Variants in EYS observed in about 807,000 individuals in gnomAD.
The protein encoded by EYS is protein eyes shut homolog.
In EYS, 250 loss-of-function variants were observed where a neutral mutation model predicts 282.1. That is an observed-to-expected ratio of 0.89 (90% CI 0.80 to 0.98). EYS has a LOEUF of 0.98. Ranked by LOEUF, EYS falls within the 50% of genes least tolerant of loss-of-function variation. The pLI, the probability that EYS is intolerant of heterozygous loss-of-function variation, is 0.00. For missense variants in EYS, 4,016 were observed against 3,709.0 expected, an observed-to-expected ratio of 1.08 and a Z score of -2.15; for synonymous variants, 1,355 against 1,282.9, an observed-to-expected ratio of 1.06 and a Z score of -1.20.
chr6:64,412,541 G>A (rs959023638), intron 28 of EYS: 1 of 152,046 alleles, frequency 6.6e-6, no homozygotes, highest in African/African-American at 2.4e-5. Flanking sequence ...AGATGCTGAG[G>A]ATGTTAATAA....
chr6:65,127,763 T>G (rs1775761736), intron 12 of EYS, among the ~76,000 whole-genome samples: 1 of 152,072 alleles, frequency 6.6e-6, no homozygotes, highest in South Asian at 2.1e-4. Flanking sequence ...TTCATTTTCT[T>G]AGGCATATCA....
intron 35 of EYS, among the ~76,000 whole-genome samples, chr6:63,966,750 TACAAGGATTA>T (rs1766330014): frequency 2.0e-5 from 3 of 152,308 alleles, no homozygotes; most frequent in African/African-American, 7.2e-5. Context: ...ATAGCATTGT[TACAAGGATTA>T]ACTGAGATAA....
At chr6:64,248,899 T>C (rs1767109127) in intron 30 of EYS, among the ~76,000 whole-genome samples, 3 of 151,174 alleles carry the variant, frequency 2.0e-5, no homozygotes, top group Non-Finnish European at 4.4e-5. Flanking sequence ...CTACTAAAAA[T>C]ACAAAAATTA....
intron 12 of EYS, among the ~76,000 whole-genome samples, chr6:65,123,754 C>CCCCA (rs1554157072): frequency 1.2e-5 from 1 of 86,912 alleles, no homozygotes; most frequent in East Asian, 2.5e-4. Flanking sequence ...TAACACCCAC[C>CCCCA]CACCCACACA....
intron 13 of EYS, among the ~76,000 whole-genome samples, chr6:65,026,427 T>G (rs538598593): frequency 6.6e-6 from 1 of 152,014 alleles, no homozygotes; most frequent in South Asian, 2.1e-4. Flanking sequence ...AAGGGACTCA[T>G]GAAAAAAAGA....
intron 35 of EYS, among the ~76,000 whole-genome samples, chr6:63,918,419 A>C (rs949056328): frequency 4.6e-5 from 7 of 152,212 alleles, no homozygotes; most frequent in African/African-American, 1.7e-4. Flanking sequence ...CCATTAGTTC[A>C]ATTCCATAGA....
intron 33 of EYS, among the ~76,000 whole-genome samples, chr6:64,001,312 CTAAG>C (rs1768084437): frequency 6.6e-6 from 1 of 152,204 alleles, no homozygotes; most frequent in African/African-American, 2.4e-5. Context: ...ACAGGGATCT[CTAAG>C]GAGATTTTTG....
intron 31 of EYS, among the ~76,000 whole-genome samples, chr6:64,096,167 C>T (rs1772605120): frequency 6.6e-6 from 1 of 152,206 alleles, no homozygotes; most frequent in South Asian, 2.1e-4. Flanking sequence ...CGACCTTTCT[C>T]TCTGGCTGCC....
At chr6:64,963,822 T>C (rs1426644417) in intron 14 of EYS, among the ~76,000 whole-genome samples, 1 of 152,180 alleles carries the variant, frequency 6.6e-6, no homozygotes, top group Non-Finnish European at 1.5e-5. Flanking sequence ...CACTGAACAA[T>C]TAATAACATA....
intron 2 of EYS, among the ~76,000 whole-genome samples, chr6:65,594,906 T>C (rs1245566788): frequency 6.6e-6 from 1 of 152,246 alleles, no homozygotes; most frequent in East Asian, 1.9e-4. Flanking sequence ...CCCAGCACCA[T>C]TTATTAAATA....
chr6:63,721,913 CTTG>C, intron 42 of EYS, 116 bp from the exon 43 acceptor site: 3 of 895,862 alleles, frequency 3.3e-6, no homozygotes, highest in Non-Finnish European at 5.0e-6. Context: ...AGTAACAGAT[CTTG>C]AGCACAATTG....
rs796919271 is a variant in EYS, at chr6:64,942,835, A to AAC, written c.2381+2957_2381+2958insGT. Among the ~76,000 whole-genome samples the AAC allele has an allele frequency of 5.5e-5, 8 of 146,758 alleles. 1 individual carries two copies. The highest frequency in any genetic ancestry group is 1.7e-4 in the African/African-American group (7 of 41,060). On this transcript the variant is annotated intron_variant, in intron 15 of 42. Coordinates refer to ENST00000503581, the MANE Select transcript of EYS (RefSeq NM_001142800.2). ...TTCTACTGTAACTCTTCCAAAAAAA[A>AAC]AAAAAAAACAAAAATGAAGTCGAAG...
At chr6:64,334,186 T>C (rs940141069) in intron 29 of EYS, among the ~76,000 whole-genome samples, 1 of 152,116 alleles carries the variant, frequency 6.6e-6, no homozygotes, top group African/African-American at 2.4e-5. Context: ...ATTAAATCAA[T>C]CATAGTACCA....
At chr6:63,826,846 A>AAAAAAAAAAAAAAAAAAAAG (rs1771479364) in intron 36 of EYS, among the ~76,000 whole-genome samples, 1 of 2,608 alleles carries the variant, frequency 3.8e-4, no homozygotes, top group African/African-American at 1.4e-3. Context: ...GTTAAAAAGC[A>AAAAAAAAAAAAAAAAAAAAG]AAAAAAAAAA....
rs543334784 is a variant in EYS, at chr6:64,536,814, A to C, written c.5644+53409T>G. Among the ~76,000 whole-genome samples, 12 of 151,100 alleles carry C rather than the reference A, an allele frequency of 7.9e-5. 2 individuals carry two copies. Among genetic ancestry groups the C allele is most frequent in the African/African-American group, 2.7e-4 (11 of 41,418 alleles). On this transcript the variant is annotated intron_variant, in intron 26 of 42. Transcript: ENST00000503581. The stretch of plus-strand genomic sequence containing the variant: ...ACTTATTAACAAAATATATATATAT[A>C]AAATTATATTTATTTCTTTACATAC...
At chr6:65,660,842 A>T (rs1294123981) in intron 1 of EYS, among the ~76,000 whole-genome samples, 1 of 151,832 alleles carries the variant, frequency 6.6e-6, no homozygotes, top group African/African-American at 2.4e-5. Context: ...AAAGCACCTC[A>T]GGACTCATAG....
At position 64,574,782 on chromosome 6, in the gene EYS, G is replaced by T. The variant is rs559163964; in HGVS notation, c.5644+15441C>A. 2.6e-5 allele frequency among the ~76,000 whole-genome samples: 4 copies of T among 152,284 alleles called. No homozygotes were observed. The East Asian group carries it at 7.7e-4, about 29-fold the overall frequency. ...TCTTCAGCCAGTTGATGAAAAATAT[G>T]TAATTTCATTTACAGCCCCTGTTGG... On this transcript the variant is annotated intron_variant, in intron 26 of 42. Coordinates refer to ENST00000503581, the MANE Select transcript of EYS (RefSeq NM_001142800.2).
At chr6:64,471,585 G>C (rs567458349) in intron 26 of EYS, among the ~76,000 whole-genome samples, 12 of 151,914 alleles carry the variant, frequency 7.9e-5, no homozygotes. Flanking sequence ...AAATTGAAGG[G>C]GCCACAAGCA....
intron 12 of EYS, among the ~76,000 whole-genome samples, chr6:65,265,783 G>T (rs540001530): frequency 6.6e-6 from 1 of 151,960 alleles, no homozygotes; most frequent in East Asian, 1.9e-4. Context: ...ATAGGCTGTG[G>T]ATTTCAGAAA....
Sources: allele counts gnomAD v4.1 joint callset (sites outside exome capture counted in the v4.1 genomes callset), GRCh38; gene constraint gnomAD v4.1.1; transcripts MANE v1.5; gene names NCBI Gene and HGNC (gene_info 2026-07-23, HGNC 2026-07-21).